ALCAM: variants seen among roughly 807,000 people sequenced by gnomAD.
The protein encoded by ALCAM is CD166 antigen.
In ALCAM, 30 loss-of-function variants were observed where a neutral mutation model predicts 70.9. The ratio of observed to expected loss-of-function variants is 0.42; its 90% CI spans 0.32 to 0.57. The LOEUF (loss-of-function observed/expected upper bound fraction) is 0.57. Among genes scored for constraint, ALCAM ranks in the 20% least tolerant of loss-of-function variants. The probability of loss-of-function intolerance (pLI) is 0.11; values close to 1 mark genes in which losing one functional copy is unlikely to be tolerated. For synonymous variants in ALCAM, 249 were observed against 242.5 expected (o/e 1.03, Z -0.25); for missense variants, 591 against 695.1 (o/e 0.85, Z 1.68).
chr3:105,448,563 T>C (rs186544607), intron 1 of ALCAM, among the ~76,000 whole-genome samples: 10 of 152,326 alleles, frequency 6.6e-5, no homozygotes, highest in East Asian at 3.9e-4. Context: ...TCTGTGGCAG[T>C]AGAAGTATTA....
chr3:105,428,848 G>T (rs947840789), intron 1 of ALCAM, among the ~76,000 whole-genome samples: 1 of 151,874 alleles, frequency 6.6e-6, no homozygotes, highest in African/African-American at 2.4e-5. Context: ...GAATTGGTAT[G>T]AATAAGCCCT....
chr3:105,410,075 A>C (rs1936348722), intron 1 of ALCAM, among the ~76,000 whole-genome samples: 1 of 152,048 alleles, frequency 6.6e-6, no homozygotes. Flanking sequence ...ATGTGTCATG[A>C]CATTTATTCC....
intron 1 of ALCAM, among the ~76,000 whole-genome samples, chr3:105,473,407 C>T (rs914778154): frequency 1.3e-5 from 2 of 151,566 alleles, no homozygotes; most frequent in Admixed American, 6.6e-5. Context: ...CTTCCTCCTT[C>T]TCCAGCCTGT....
intron 3 of ALCAM, among the ~76,000 whole-genome samples, chr3:105,530,388 C>T (rs1024972317): frequency 6.6e-6 from 1 of 152,026 alleles, no homozygotes; most frequent in Non-Finnish European, 1.5e-5. Context: ...TTAACCCCCA[C>T]ACAATATGTT....
intron 3 of ALCAM, chr3:105,525,303 A>C (rs1317921086): frequency 1.0e-6 from 1 of 981,408 alleles, no homozygotes. Flanking sequence ...ATGATAGCAT[A>C]TAGTTAATGT....
At chr3:105,439,366 GA>G (rs763851552) in intron 1 of ALCAM, 2 of 151,904 alleles carry the variant, frequency 1.3e-5, no homozygotes, top group Non-Finnish European at 2.9e-5. Context: ...TTGTGCAATT[GA>G]CATATGCCTC....
chr3:105,459,843 G>T (rs529624771), intron 1 of ALCAM, among the ~76,000 whole-genome samples: 1 of 151,902 alleles, frequency 6.6e-6, no homozygotes, highest in African/African-American at 2.4e-5. Flanking sequence ...CTTAGTTCCC[G>T]CTCTCTTCTG....
At chr3:105,560,485 C>T (rs1940609250) in intron 14 of ALCAM, among the ~76,000 whole-genome samples, 2 of 152,040 alleles carry the variant, frequency 1.3e-5, no homozygotes, top group Non-Finnish European at 2.9e-5. Context: ...AGTCTGTAGC[C>T]TGGTTTTCCT....
At chr3:105,554,425 AC>A (rs1940474601) in intron 14 of ALCAM, among the ~76,000 whole-genome samples, 1 of 151,908 alleles carries the variant, frequency 6.6e-6, no homozygotes, top group Non-Finnish European at 1.5e-5. Flanking sequence ...AGGCCCACCC[AC>A]ATAGAGGAGG....
At chr3:105,409,887 T>A (rs1339197137) in intron 1 of ALCAM, among the ~76,000 whole-genome samples, 1 of 152,008 alleles carries the variant, frequency 6.6e-6, no homozygotes, top group Non-Finnish European at 1.5e-5. Context: ...GGTACAAAAA[T>A]TTCCTATATA....
chr3:105,452,011 A>G (rs1937440297), intron 1 of ALCAM, among the ~76,000 whole-genome samples: 2 of 151,884 alleles, frequency 1.3e-5, no homozygotes, highest in Non-Finnish European at 2.9e-5. Flanking sequence ...TTGTGGCTTT[A>G]CTCATATTCT....
intron 1 of ALCAM, among the ~76,000 whole-genome samples, chr3:105,370,686 A>C (rs1039444078): frequency 2.0e-5 from 3 of 152,060 alleles, no homozygotes; most frequent in African/African-American, 7.2e-5. Flanking sequence ...ACCTTTAAAA[A>C]TTCATGATAA....
chr3:105,395,128 C>T (rs1393541530), intron 1 of ALCAM, among the ~76,000 whole-genome samples: 4 of 151,896 alleles, frequency 2.6e-5, no homozygotes, highest in Admixed American at 1.3e-4. Flanking sequence ...GACTTTTCAT[C>T]AAATGACCGC....
At chr3:105,386,988 A>G (rs1476257547) in intron 1 of ALCAM, among the ~76,000 whole-genome samples, 2 of 151,576 alleles carry the variant, frequency 1.3e-5, no homozygotes, top group East Asian at 1.9e-4. Context: ...ACTTAAAATT[A>G]TATTGAATGT....
chr3:105,533,592 T>C lies in ALCAM; in HGVS notation c.460-11T>C, dbSNP rs1193102826. ...GAACCAAGGTAATAACATTGCCTTT[T>C]TATTTTGCAGTTGGGTGACTGCATT... On this transcript the variant is annotated splice_polypyrimidine_tract_variant and intron_variant, in intron 4 of 15. Coordinates refer to ENST00000306107, the MANE Select transcript of ALCAM (RefSeq NM_001627.4). The C allele has an allele frequency of 6.2e-7, 1 of 1,608,880 alleles. No homozygotes were observed. Among genetic ancestry groups the C allele is most frequent in the Non-Finnish European group, 8.5e-7 (1 of 1,176,456 alleles).
At chr3:105,561,648 AC>A (rs937981966) in intron 14 of ALCAM, among the ~76,000 whole-genome samples, 2 of 152,128 alleles carry the variant, frequency 1.3e-5, no homozygotes, top group African/African-American at 4.8e-5. Flanking sequence ...ACTCAAGATC[AC>A]CCTTACTTCT....
intron 14 of ALCAM, among the ~76,000 whole-genome samples, chr3:105,559,658 C>T (rs180860216): frequency 1.3e-5 from 2 of 152,248 alleles, no homozygotes; most frequent in Admixed American, 1.3e-4. Flanking sequence ...CTACTACTCC[C>T]TTCAAGATAA....
intron 1 of ALCAM, among the ~76,000 whole-genome samples, chr3:105,499,845 T>G (rs755766540): frequency 6.6e-6 from 1 of 152,236 alleles, no homozygotes; most frequent in Non-Finnish European, 1.5e-5. Context: ...TACCTCTTTC[T>G]TCTACATTCT....
chr3:105,525,945 G>A (rs1043917620), intron 3 of ALCAM, among the ~76,000 whole-genome samples: 3 of 152,194 alleles, frequency 2.0e-5, no homozygotes, highest in African/African-American at 7.2e-5. Context: ...GCATTTGCCA[G>A]TGGCCCATGT....
Sources: gnomAD v4.1 joint callset for allele counts (sites outside exome capture counted in the v4.1 genomes callset) on GRCh38, gnomAD v4.1.1 for gene constraint, MANE v1.5 for transcripts, NCBI Gene and HGNC (gene_info 2026-07-23, HGNC 2026-07-21) for gene names.